Variants in SHOX observed in about 807,000 individuals in gnomAD.
SHOX encodes the protein short stature homeobox protein.
SHOX carries 12 observed loss-of-function variants against 29.6 expected under a neutral mutation model. The observed-to-expected ratio is 0.41, with a 90% CI of 0.26 to 0.66. The LOEUF (loss-of-function observed/expected upper bound fraction) is 0.66. SHOX is among the 30% of genes least tolerant of loss of function. The probability of loss-of-function intolerance (pLI) is 0.35; values close to 1 mark genes in which losing one functional copy is unlikely to be tolerated. For missense variants in SHOX, 499 were observed against 437.7 expected (o/e 1.14, Z -1.25); for synonymous variants, 214 against 200.6 (o/e 1.07, Z -0.57).
intron 5 of SHOX, among the ~76,000 whole-genome samples, chrX:658,612 A>G (rs1308373132): frequency 6.6e-6 from 1 of 151,608 alleles, no homozygotes; most frequent in Non-Finnish European, 1.5e-5. Flanking sequence ...CTGGGACTAC[A>G]GGCGCCCGCC....
upstream of SHOX, among the ~76,000 whole-genome samples, chrX:628,578 CCTGT>C (rs1376078505): frequency 4.2e-5 from 2 of 48,186 alleles, no homozygotes; most frequent in Non-Finnish European, 9.6e-5. Flanking sequence ...CCTCTCTCTC[CCTGT>C]CTGTGTCTCT....
chrX:634,693 G>A lies in SHOX; in HGVS notation c.353G>A (p.Arg118Lys), dbSNP rs747499580. ...DEDGQTKLKQ[R>K]RSRTNFTLEQ... ...GACGGGCAGACCAAGCTGAAACAGA[G>A]GCGCAGCCGCACCAACTTCACGCTG... is the stretch of plus-strand genomic sequence containing the variant. The change falls in exon 2 of 5, where the codon AGG (arginine) becomes AAG (lysine). Residue 118 changes from arginine to lysine, a missense_variant. By Grantham distance (26) the Arg-to-Lys change is conservative. Coordinates refer to ENST00000686671, the MANE Select transcript of SHOX (RefSeq NM_000451.4). 1 of 1,613,906 alleles carries A rather than the reference G, an allele frequency of 6.2e-7. No homozygotes were observed. The highest frequency in any genetic ancestry group is 1.1e-5 in the South Asian group (1 of 91,056).
chrX:630,831 G>T lies in SHOX; in HGVS notation c.-67G>T. ...GGTGATCCACCCGCGCGCACGGGCCGTCCTCTCCGCGCGGGGAGACGCGCG... is the reference window on the plus strand; with the variant it reads ...GGTGATCCACCCGCGCGCACGGGCCTTCCTCTCCGCGCGGGGAGACGCGCG... On this transcript the variant is annotated 5_prime_UTR_variant, in exon 1 of 5. Transcript: ENST00000686671. 1 of 1,594,852 alleles carries T rather than the reference G, an allele frequency of 6.3e-7. No individual in the cohort carries two copies. The highest frequency in any genetic ancestry group is 1.1e-5 in the South Asian group (1 of 90,482).
In SHOX at chrX:644,706, C is replaced by T; in HGVS notation, c.*70C>T. On this transcript the variant is annotated 3_prime_UTR_variant, in exon 5 of 5. Transcript: ENST00000686671. Reference sequence around the variant, plus strand: ...CACCCCGCCTGCACCGCGCGTCCTGCACTCAACCCCGCCTGGAGCTCCTTC... The same window carrying T: ...CACCCCGCCTGCACCGCGCGTCCTGTACTCAACCCCGCCTGGAGCTCCTTC... The T allele has an allele frequency of 7.4e-7, 1 of 1,353,042 alleles. No homozygotes were observed. The allele number at this position is 1,353,042 out of a possible 1,614,324, so 83.8% of individuals were successfully genotyped here.
At chrX:625,560 C>G (rs754212675) in intron 1 of SHOX, among the ~76,000 whole-genome samples, 2 of 150,570 alleles carry the variant, frequency 1.3e-5, no homozygotes, top group South Asian at 2.1e-4. Flanking sequence ...TCCTCTGTCT[C>G]TCTGTATCTC....
chrX:641,290 G>A (rs1233655638), intron 4 of SHOX, among the ~76,000 whole-genome samples: 3 of 152,148 alleles, frequency 2.0e-5, no homozygotes, highest in Admixed American at 2.0e-4. Context: ...GGCCAGGCGG[G>A]GTGGCTCACA....
At chrX:655,553 A>C (rs2053125542), downstream of SHOX, among the ~76,000 whole-genome samples, 1 of 141,724 alleles carries the variant, frequency 7.1e-6, no homozygotes, top group Non-Finnish European at 1.5e-5. Context: ...CCTCAGCAAA[A>C]AGGACTCTCT....
chrX:639,366 C>T (rs1362190256), intron 2 of SHOX, among the ~76,000 whole-genome samples: 37 of 152,100 alleles, frequency 2.4e-4, no homozygotes, highest in Admixed American at 1.3e-4. Flanking sequence ...TTCAGCTCCC[C>T]AGGGCTTCCG....
Position 630,822 on chromosome X carries a change from G to A in SHOX, c.-76G>A. ...AACAGCGCTGGTGATCCACCCGCGC[G>A]CACGGGCCGTCCTCTCCGCGCGGGG... is the stretch of plus-strand genomic sequence containing the variant. On this transcript the variant is annotated 5_prime_UTR_variant, in exon 1 of 5. Transcript: ENST00000686671. The A allele has an allele frequency of 1.9e-6, 3 of 1,570,010 alleles. No homozygotes were observed. Among genetic ancestry groups the A allele is most frequent in the South Asian group, 2.2e-5 (2 of 90,004 alleles).
chrX:658,006 A>G (rs1462384982), intron 5 of SHOX, among the ~76,000 whole-genome samples: 3 of 151,556 alleles, frequency 2.0e-5, no homozygotes, highest in African/African-American at 7.3e-5. Flanking sequence ...ACAGAGTCTC[A>G]CTCTGTCACC....
In SHOX at chrX:648,643, C is replaced by G. The variant is rs949213209; in HGVS notation, c.*4007C>G. 2.2e-4 allele frequency among the ~76,000 whole-genome samples: 34 copies of G among 152,324 alleles called. No individual in the cohort carries two copies. The Middle Eastern group carries it at 0.017, about 76-fold the overall frequency. On this transcript the variant is annotated 3_prime_UTR_variant, in exon 5 of 5. Coordinates refer to ENST00000686671, the MANE Select transcript of SHOX (RefSeq NM_000451.4). ...CATCCTCACAAATGGGTCCCCGAAG[C>G]AGATCAAACGCAGAGAACTGTGAGG...
At position 633,748 on chromosome X, in the gene SHOX, C is replaced by T. The variant is rs760307184; in HGVS notation, c.278-870C>T. On this transcript the variant is annotated intron_variant, in intron 1 of 4. Transcript: ENST00000686671. ...CAGGCCCGAGATAGGAACAGAGGGG[C>T]GTTGGAGATGCCACTTCCACCAGCC... Among the ~76,000 whole-genome samples, 53 of 152,150 alleles carry T rather than the reference C, an allele frequency of 3.5e-4. No homozygotes were observed. The South Asian group carries it at 0.011, about 31-fold the overall frequency.
chrX:633,042 C>G (rs775659578), intron 1 of SHOX, among the ~76,000 whole-genome samples: 1 of 152,270 alleles, frequency 6.6e-6, no homozygotes, highest in South Asian at 2.1e-4. Context: ...CCCAGGGCCA[C>G]AGGAGAGGAG....
chrX:655,598 CTCTCTCTCTCTCTCTCTATATA>C (rs1393795239), downstream of SHOX, among the ~76,000 whole-genome samples: 26 of 65,358 alleles, frequency 4.0e-4, no homozygotes, highest in South Asian at 1.4e-3. Flanking sequence ...CTCTCTCTCT[CTCTCTCTCTCTCTCTCTATATA>C]TATATATATA....
chrX:642,308 G>T (rs1162950945), intron 4 of SHOX, among the ~76,000 whole-genome samples: 4 of 152,052 alleles, frequency 2.6e-5, no homozygotes, highest in Non-Finnish European at 4.4e-5. Flanking sequence ...CTTGGGGGGG[G>T]GGCTCTGGCA....
In SHOX at chrX:659,056, C is replaced by T. The variant is rs188375104; in HGVS notation, c.*227C>T. 1,061 of 154,932 alleles carry T rather than the reference C, an allele frequency of 6.8e-3. 11 individuals are homozygous for T. Among genetic ancestry groups the T allele is most frequent in the African/African-American group, 0.024 (976 of 41,346 alleles). 9.6% of individuals were successfully genotyped at this position (154,932 alleles called of 1,614,324 possible). The stretch of plus-strand genomic sequence containing the variant: ...CTGGGATGACAGGCGTGAGCCCCTG[C>T]GCCCGGCCTTTGTAACTTTATTTTT... On this transcript the variant is annotated 3_prime_UTR_variant, in exon 6 of 6. Transcript: ENST00000334060.
chrX:652,556 T>G (rs2053082818), downstream of SHOX, among the ~76,000 whole-genome samples: 1 of 151,946 alleles, frequency 6.6e-6, no homozygotes, highest in Non-Finnish European at 1.5e-5. Flanking sequence ...GCTCAGAGCC[T>G]GAGGACAGGT....
At chrX:630,011 C>G (rs1393591876), upstream of SHOX, among the ~76,000 whole-genome samples, 1 of 152,074 alleles carries the variant, frequency 6.6e-6, no homozygotes, top group Non-Finnish European at 1.5e-5. Flanking sequence ...CGCCGGGGTC[C>G]GCCGGGATCT....
At position 634,837 on chromosome X, in the gene SHOX, G is replaced by C. The variant is rs748745580; in HGVS notation, c.486+11G>C. On this transcript the variant is annotated intron_variant, in intron 2 of 4. Transcript: ENST00000686671. ...GAGGCGCGCGTGCAGGTAGGAACCCGGGGGCGGGGGCGGGGGGCCCGGAGC... is the reference window on the plus strand; with the variant it reads ...GAGGCGCGCGTGCAGGTAGGAACCCCGGGGCGGGGGCGGGGGGCCCGGAGC... The C allele has an allele frequency of 1.3e-6, 2 of 1,549,432 alleles. No homozygotes were observed. Among genetic ancestry groups the C allele is most frequent in the South Asian group, 1.2e-5 (1 of 84,336 alleles).
Sources: gnomAD v4.1 joint callset for allele counts (sites outside exome capture counted in the v4.1 genomes callset) on GRCh38, gnomAD v4.1.1 for gene constraint, MANE v1.5 for transcripts, NCBI Gene and HGNC (gene_info 2026-07-23, HGNC 2026-07-21) for gene names.